SPATA6: variants seen among roughly 807,000 people sequenced by gnomAD.
The protein encoded by SPATA6 is spermatogenesis associated 6.
In SPATA6, 56 loss-of-function variants were observed where a neutral mutation model predicts 65.3. That is an observed-to-expected ratio of 0.86 (90% CI 0.69 to 1.07). The LOEUF (loss-of-function observed/expected upper bound fraction) is 1.07. SPATA6 is among the 50% of genes least tolerant of loss of function. The probability of loss-of-function intolerance (pLI) is 0.00; values close to 1 mark genes in which losing one functional copy is unlikely to be tolerated. For missense variants in SPATA6, 590 were observed against 594.8 expected, an observed-to-expected ratio of 0.99 and a Z score of 0.08; for synonymous variants, 199 against 213.2, an observed-to-expected ratio of 0.93 and a Z score of 0.58.
intron 1 of SPATA6, among the ~76,000 whole-genome samples, chr1:48,454,254 A>C (rs1295902777): frequency 1.3e-5 from 2 of 152,104 alleles, no homozygotes; most frequent in Non-Finnish European, 2.9e-5. Flanking sequence ...AGTACAATAT[A>C]ATATTACCCA....
chr1:48,455,224 G>A (rs57662402), intron 1 of SPATA6, among the ~76,000 whole-genome samples: 8,726 of 152,154 alleles, frequency 0.057, 373 homozygotes, highest in African/African-American at 0.11. Context: ...CTTAAGAAGG[G>A]CTGTAAGTGT....
chr1:48,370,517 G>T (rs1473686761), intron 9 of SPATA6, among the ~76,000 whole-genome samples: 2 of 152,090 alleles, frequency 1.3e-5, no homozygotes, highest in African/African-American at 4.8e-5. Context: ...ATCTGATTTG[G>T]TTTAAGTAAG....
chr1:48,350,713 T>TA (rs1224677586), intron 11 of SPATA6, among the ~76,000 whole-genome samples: 1 of 151,974 alleles, frequency 6.6e-6, no homozygotes, highest in Non-Finnish European at 1.5e-5. Flanking sequence ...CTGGAATCTT[T>TA]ATTCTATTCC....
rs146976708 is a variant in SPATA6, at chr1:48,298,840, G to A, written c.1340C>T (p.Ser447Phe). ...TCCCTTATAAGAGGCTGCCCTGTTG[G>A]ACCAGTATTCACCGTCATCCAAATG... ...TFHLDDGEYW[S>F]NRAASYKGKS... Residue 447 changes from serine (S) to phenylalanine (F), a missense_variant, in exon 13 of 13, where the codon TCC (serine) becomes TTC (phenylalanine). Coordinates refer to ENST00000371847, the MANE Select transcript of SPATA6 (RefSeq NM_019073.4). The A allele has an allele frequency of 8.7e-5, 141 of 1,613,994 alleles. No homozygotes were observed. The highest frequency in any genetic ancestry group is 1.0e-5 in the Non-Finnish European group (12 of 1,179,956).
Position 48,298,443 on chromosome 1 carries a change from T to C in SPATA6, c.*270A>G, listed in dbSNP as rs967652300. On this transcript the variant is annotated 3_prime_UTR_variant, in exon 13 of 13. Transcript: ENST00000371847. ...TTGCAGATGGAATATGAGGTGTACATGTAACAGAATATCCTTGTCACATAT... is the reference window on the plus strand; with the variant it reads ...TTGCAGATGGAATATGAGGTGTACACGTAACAGAATATCCTTGTCACATAT... The C allele has an allele frequency of 3.6e-6, 1 of 278,666 alleles. No homozygotes were observed. 17.3% of individuals were successfully genotyped at this position (278,666 alleles called of 1,614,324 possible).
chr1:48,401,150 C>CT (rs1281041717), intron 6 of SPATA6, among the ~76,000 whole-genome samples: 12 of 152,026 alleles, frequency 7.9e-5, no homozygotes, highest in African/African-American at 2.9e-4. Context: ...CTCACTGAAT[C>CT]TGTTACTTGC....
At chr1:48,295,038 C>T (rs1037876732), downstream of SPATA6, among the ~76,000 whole-genome samples, 10 of 152,266 alleles carry the variant, frequency 6.6e-5, no homozygotes, top group South Asian at 2.1e-4. Context: ...TTTATATACC[C>T]TCTATTTCTA....
the SPATA6 span, among the ~76,000 whole-genome samples, chr1:48,278,341 T>C: frequency 6.6e-6 from 1 of 152,174 alleles, no homozygotes; most frequent in Non-Finnish European, 1.5e-5. Context: ...AGAATGACTT[T>C]GATGAGTTGA....
intron 11 of SPATA6, among the ~76,000 whole-genome samples, chr1:48,310,891 A>G (rs960990126): frequency 6.6e-6 from 1 of 152,198 alleles, no homozygotes; most frequent in African/African-American, 2.4e-5. Context: ...CCTGGCCACA[A>G]TAACATGAAA....
the SPATA6 span, among the ~76,000 whole-genome samples, chr1:48,278,711 G>A: frequency 2.4e-4 from 36 of 152,310 alleles, no homozygotes; most frequent in African/African-American, 6.0e-4. Flanking sequence ...TCTGATTGGC[G>A]TACCTGAAAC....
chr1:48,426,065 A>G (rs2148036708), intron 3 of SPATA6, among the ~76,000 whole-genome samples: 1 of 152,334 alleles, frequency 6.6e-6, no homozygotes, highest in Non-Finnish European at 1.5e-5. Flanking sequence ...GGGACAAGAT[A>G]CTTGAAACAT....
At chr1:48,346,888 A>G (rs1415557026) in intron 11 of SPATA6, among the ~76,000 whole-genome samples, 1 of 152,104 alleles carries the variant, frequency 6.6e-6, no homozygotes, top group East Asian at 1.9e-4. Flanking sequence ...AAATGGCCAT[A>G]CTGTCCAAAG....
intron 3 of SPATA6, among the ~76,000 whole-genome samples, chr1:48,427,164 G>C: frequency 6.6e-6 from 1 of 151,954 alleles, no homozygotes. Flanking sequence ...CCAGCCTCAA[G>C]CAATTCTCCA....
At chr1:48,324,388 A>G (rs1399598165) in intron 11 of SPATA6, among the ~76,000 whole-genome samples, 1 of 152,212 alleles carries the variant, frequency 6.6e-6, no homozygotes. Context: ...AAGACACATC[A>G]GAGAAAGAAA....
At chr1:48,328,175 A>T (rs538052718) in intron 11 of SPATA6, among the ~76,000 whole-genome samples, 15 of 152,290 alleles carry the variant, frequency 9.8e-5, no homozygotes, top group African/African-American at 3.6e-4. Context: ...GATGGCTATA[A>T]TCAGAAAAGA....
At chr1:48,449,423 C>T (rs888424680) in intron 3 of SPATA6, among the ~76,000 whole-genome samples, 2 of 152,120 alleles carry the variant, frequency 1.3e-5, no homozygotes, top group African/African-American at 4.8e-5. Context: ...AGATTTCTTG[C>T]CAAAGTAACA....
intron 3 of SPATA6, among the ~76,000 whole-genome samples, chr1:48,430,926 A>G (rs942908275): frequency 1.2e-4 from 19 of 152,186 alleles, no homozygotes; most frequent in African/African-American, 4.3e-4. Flanking sequence ...TCTATCAGTA[A>G]TTACTTTAAA....
At chr1:48,301,693 G>T (rs563300212) in intron 12 of SPATA6, among the ~76,000 whole-genome samples, 3 of 152,008 alleles carry the variant, frequency 2.0e-5, no homozygotes, top group Non-Finnish European at 4.4e-5. Flanking sequence ...ATAGACTAAT[G>T]GAACAGAATA....
At chr1:48,406,035 T>G (rs1240668194) in intron 5 of SPATA6, among the ~76,000 whole-genome samples, 2 of 151,960 alleles carry the variant, frequency 1.3e-5, no homozygotes, top group African/African-American at 2.4e-5. Flanking sequence ...AAAATGCAGT[T>G]TCTCACAATC....
Sources: gnomAD v4.1 joint callset for allele counts (sites outside exome capture counted in the v4.1 genomes callset) on GRCh38, gnomAD v4.1.1 for gene constraint, MANE v1.5 for transcripts, NCBI Gene and HGNC (gene_info 2026-07-23, HGNC 2026-07-21) for gene names.